DGKB: variants seen among roughly 807,000 people sequenced by gnomAD.
DGKB encodes the protein diacylglycerol kinase beta, also known as 90 kDa diacylglycerol kinase.
In DGKB, 67 loss-of-function variants were observed where a neutral mutation model predicts 114.3. That is an observed-to-expected ratio of 0.59 (90% confidence interval 0.48 to 0.72). The LOEUF (loss-of-function observed/expected upper bound fraction) is 0.72, where lower values mean the gene tolerates loss of function less well. Among genes scored for constraint, DGKB ranks in the 30% least tolerant of loss-of-function variants. The probability of loss-of-function intolerance (pLI) is 0.00; values close to 1 mark genes in which losing one functional copy is unlikely to be tolerated. For missense variants in DGKB, 907 were observed against 975.2 expected (o/e 0.93, Z 0.93); for synonymous variants, 398 against 323.1 (o/e 1.23, Z -2.49).
In DGKB at chr7:14,149,255, AG is replaced by A; in HGVS notation, c.2305-18del. ...AATTTTTATCTAGAAAAAAAGAGAG[AG>A]AGAGAGAGAGAAAGAATAGAGTAAT... On this transcript the variant is annotated intron_variant, in intron 25 of 25. Transcript: ENST00000402815. 18 of 1,566,670 alleles carry A rather than the reference AG, an allele frequency of 1.1e-5. No homozygotes were observed. Among genetic ancestry groups the A allele is most frequent in the Non-Finnish European group, 1.6e-5 (18 of 1,142,180 alleles).
chr7:14,863,216 A>G (rs756227941), intron 1 of DGKB, among the ~76,000 whole-genome samples: 11 of 151,326 alleles, frequency 7.3e-5, no homozygotes, highest in Non-Finnish European at 1.0e-4. Context: ...TGTGTGTGTG[A>G]GTTTGTGTGT....
rs943823282 is a variant in DGKB at position 14,457,951 on chromosome 7, G to A, written c.1835+20210C>T. 1.2e-4 allele frequency among the ~76,000 whole-genome samples: 18 copies of A among 152,300 alleles called. 1 individual carries two copies. In the South Asian group the frequency reaches 2.9e-3, roughly 25 times the overall value. On this transcript the variant is annotated intron_variant, in intron 21 of 25. Transcript: ENST00000402815. Reference sequence around the variant, plus strand: ...ATGACTTTGCCAGTATGCTTAATAGGGAAGGACTCATCCAGTGTTCTCTGG... The same window carrying A: ...ATGACTTTGCCAGTATGCTTAATAGAGAAGGACTCATCCAGTGTTCTCTGG...
chr7:14,848,169 T>A (rs1198288021), intron 1 of DGKB, among the ~76,000 whole-genome samples: 1 of 152,126 alleles, frequency 6.6e-6, no homozygotes, highest in East Asian at 1.9e-4. Context: ...TCCAATATTG[T>A]GTGAGAGCTG....
At chr7:14,814,484 T>C (rs566659571) in intron 2 of DGKB, among the ~76,000 whole-genome samples, 5 of 152,222 alleles carry the variant, frequency 3.3e-5, no homozygotes, top group African/African-American at 4.8e-5. Flanking sequence ...AATTCTGTTA[T>C]TGTGGCTGAA....
At chr7:14,790,628 G>A (rs986652246) in intron 2 of DGKB, among the ~76,000 whole-genome samples, 1 of 151,970 alleles carries the variant, frequency 6.6e-6, no homozygotes, top group African/African-American at 2.4e-5. Flanking sequence ...ATTTTTATGG[G>A]TTTATTTTAG....
chr7:14,421,595 G>A (rs1202415940), intron 21 of DGKB, among the ~76,000 whole-genome samples: 1 of 151,960 alleles, frequency 6.6e-6, no homozygotes, highest in Non-Finnish European at 1.5e-5. Flanking sequence ...TTGATTTTAA[G>A]AAAAGGAAAT....
intron 17 of DGKB, among the ~76,000 whole-genome samples, chr7:14,587,643 T>A (rs929549496): frequency 6.6e-6 from 1 of 152,082 alleles, no homozygotes; most frequent in Non-Finnish European, 1.5e-5. Flanking sequence ...CATTGTTGTC[T>A]TATTTTAAGA....
chr7:14,342,538 C>T (rs909950761), intron 22 of DGKB, among the ~76,000 whole-genome samples: 11 of 151,748 alleles, frequency 7.2e-5, no homozygotes, highest in South Asian at 2.1e-4. Flanking sequence ...AATTCTACTT[C>T]GTGTATCATT....
chr7:14,636,188 C>T (rs913066417), intron 13 of DGKB, among the ~76,000 whole-genome samples: 4 of 151,744 alleles, frequency 2.6e-5, no homozygotes, highest in African/African-American at 7.2e-5. Flanking sequence ...GCCAGTCAAC[C>T]TTATCATGAA....
intron 2 of DGKB, among the ~76,000 whole-genome samples, chr7:14,762,294 C>A (rs924408163): frequency 1.3e-5 from 2 of 152,050 alleles, no homozygotes; most frequent in African/African-American, 4.8e-5. Flanking sequence ...CTTTCTATCA[C>A]CTGCTCTGGT....
At chr7:14,748,268 G>A (rs540032587) in intron 4 of DGKB, among the ~76,000 whole-genome samples, 1 of 152,200 alleles carries the variant, frequency 6.6e-6, no homozygotes, top group Admixed American at 6.5e-5. Context: ...CAACATTAAT[G>A]TGCTCAATCT....
chr7:14,578,370 G>T (rs760941029), intron 19 of DGKB, among the ~76,000 whole-genome samples: 4 of 152,044 alleles, frequency 2.6e-5, no homozygotes, highest in Non-Finnish European at 4.4e-5. Flanking sequence ...AACCTACAAG[G>T]CACTGTTATT....
At chr7:14,213,238 CCT>C (rs1365423785) in intron 23 of DGKB, among the ~76,000 whole-genome samples, 1 of 151,734 alleles carries the variant, frequency 6.6e-6, no homozygotes, top group African/African-American at 2.4e-5. Context: ...TATATATATC[CCT>C]CTGTTAGAGT....
intron 19 of DGKB, among the ~76,000 whole-genome samples, chr7:14,576,139 G>T (rs1799089651): frequency 6.6e-6 from 1 of 152,098 alleles, no homozygotes; most frequent in African/African-American, 2.4e-5. Context: ...GGTCTATTCA[G>T]GGTGGTATGG....
chr7:14,260,087 TAC>T (rs60392482), intron 23 of DGKB, among the ~76,000 whole-genome samples: 78,133 of 150,894 alleles, frequency 0.52, 22,496 homozygotes, highest in Non-Finnish European at 0.66. Flanking sequence ...TACATATGTG[TAC>T]ACACACACAC....
At chr7:14,441,002 C>G (rs558753522) in intron 21 of DGKB, among the ~76,000 whole-genome samples, 1 of 152,064 alleles carries the variant, frequency 6.6e-6, no homozygotes, top group East Asian at 1.9e-4. Context: ...ATTGAGCATT[C>G]ATTTTTCTTC....
chr7:14,318,375 G>A (rs1053186943), intron 23 of DGKB, among the ~76,000 whole-genome samples: 22 of 151,886 alleles, frequency 1.4e-4, no homozygotes, highest in African/African-American at 1.5e-4. Context: ...GAAAATTTTC[G>A]CAACCTACTC....
intron 2 of DGKB, among the ~76,000 whole-genome samples, chr7:14,837,801 T>C (rs897944854): frequency 5.3e-5 from 8 of 152,198 alleles, no homozygotes; most frequent in Non-Finnish European, 1.2e-4. Context: ...TGTTATATTT[T>C]GGCACTGGCA....
chr7:14,162,549 G>T (rs552551963), intron 25 of DGKB, among the ~76,000 whole-genome samples: 1 of 152,088 alleles, frequency 6.6e-6, no homozygotes, highest in South Asian at 2.1e-4. Context: ...CATAGATTTG[G>T]AGTTCCTACA....
Sources: gnomAD v4.1 joint callset for allele counts (sites outside exome capture counted in the v4.1 genomes callset) on GRCh38, gnomAD v4.1.1 for gene constraint, MANE v1.5 for transcripts, NCBI Gene and HGNC (gene_info 2026-07-23, HGNC 2026-07-21) for gene names.